The following ADGRL3 variants were observed in gnomAD, a reference collection of about 807,000 sequenced individuals.
ADGRL3 encodes the protein calcium-independent alpha-latrotoxin receptor 3.
ADGRL3 carries 62 observed loss-of-function variants against 153.5 expected under a neutral mutation model. That is an observed-to-expected ratio of 0.40 (90% CI 0.33 to 0.50). The LOEUF (loss-of-function observed/expected upper bound fraction) is 0.50. ADGRL3 is among the 20% of genes least tolerant of loss of function. The pLI is 0.47. For synonymous variants in ADGRL3, 710 were observed against 672.5 expected (o/e 1.06, Z -0.86); for missense variants, 1,641 against 1,859.4 (o/e 0.88, Z 2.16).
chr4:61,630,033 C>T (rs915395476), intron 5 of ADGRL3, among the ~76,000 whole-genome samples: 3 of 152,082 alleles, frequency 2.0e-5, no homozygotes, highest in Non-Finnish European at 4.4e-5. Flanking sequence ...CAGATCTCTT[C>T]ATCTATGTAT....
At chr4:61,295,605 C>A (rs1406198339) in intron 1 of ADGRL3, among the ~76,000 whole-genome samples, 1 of 151,760 alleles carries the variant, frequency 6.6e-6, no homozygotes, top group Non-Finnish European at 1.5e-5. Context: ...ATTTTCATAC[C>A]TCATCAAATC....
intron 9 of ADGRL3, among the ~76,000 whole-genome samples, chr4:61,831,411 TAAAAAAAAAAAAAAA>T (rs1166970099): frequency 1.1e-4 from 4 of 37,274 alleles, no homozygotes; most frequent in African/African-American, 2.2e-4. Context: ...AGATGCTAAG[TAAAAAAAAAAAAAAA>T]AAAAAAAAAA....
intron 5 of ADGRL3, among the ~76,000 whole-genome samples, chr4:61,632,940 C>A (rs1464936052): frequency 2.0e-5 from 3 of 152,076 alleles, no homozygotes; most frequent in Admixed American, 6.6e-5. Flanking sequence ...AAGCTTAGAG[C>A]TTCCCAATAT....
intron 8 of ADGRL3, among the ~76,000 whole-genome samples, chr4:61,806,305 T>G (rs1580917346): frequency 6.6e-6 from 1 of 152,052 alleles, no homozygotes; most frequent in African/African-American, 2.4e-5. Flanking sequence ...TTATAGCAAA[T>G]GTTAAAATAT....
chr4:61,723,433 A>G (rs2096273790), intron 6 of ADGRL3, among the ~76,000 whole-genome samples: 1 of 152,022 alleles, frequency 6.6e-6, no homozygotes, highest in African/African-American at 2.4e-5. Context: ...GCTCCCCCAT[A>G]CAGAGGGAGT....
chr4:61,841,528 G>A (rs538298188), intron 9 of ADGRL3, among the ~76,000 whole-genome samples: 7 of 152,264 alleles, frequency 4.6e-5, no homozygotes, highest in African/African-American at 1.7e-4. Context: ...TTTGAAAATG[G>A]AAGGTGAGAA....
intron 8 of ADGRL3, among the ~76,000 whole-genome samples, chr4:61,751,158 C>G (rs2096752624): frequency 6.6e-6 from 1 of 152,126 alleles, no homozygotes; most frequent in African/African-American, 2.4e-5. Flanking sequence ...TGAGATGAAA[C>G]AGTTTCATCC....
intron 1 of ADGRL3, among the ~76,000 whole-genome samples, chr4:61,348,331 T>C (rs2095967572): frequency 1.3e-5 from 2 of 152,046 alleles, no homozygotes; most frequent in Admixed American, 6.6e-5. Context: ...TATTGAGACA[T>C]TTGTTAATCT....
intron 2 of ADGRL3, among the ~76,000 whole-genome samples, chr4:61,490,350 T>TTCCTCATTGTTTCCTTCTCC (rs2098245027): frequency 6.6e-6 from 1 of 152,142 alleles, no homozygotes; most frequent in East Asian, 1.9e-4. Context: ...TTTCCTTCTC[T>TTCCTCATTGTTTCCTTCTCC]TCCTCATTGT....
chr4:61,552,872 T>G (rs1160370767), intron 4 of ADGRL3, among the ~76,000 whole-genome samples: 1 of 152,206 alleles, frequency 6.6e-6, no homozygotes, highest in East Asian at 1.9e-4. Context: ...GTCTTGTGTC[T>G]TCTTCATATA....
At chr4:61,920,894 G>A (rs2098765751) in intron 13 of ADGRL3, among the ~76,000 whole-genome samples, 1 of 152,096 alleles carries the variant, frequency 6.6e-6, no homozygotes, top group Non-Finnish European at 1.5e-5. Flanking sequence ...TTTGCAGCTG[G>A]GCATAGTGTC....
chr4:61,255,291 G>T (rs571152028), intron 1 of ADGRL3, among the ~76,000 whole-genome samples: 2 of 152,146 alleles, frequency 1.3e-5, no homozygotes, highest in African/African-American at 2.4e-5. Flanking sequence ...AGACTGATGC[G>T]CTAGAGTTTT....
At chr4:61,507,134 C>CT (rs1305684943) in intron 3 of ADGRL3, among the ~76,000 whole-genome samples, 4 of 151,918 alleles carry the variant, frequency 2.6e-5, no homozygotes, top group East Asian at 1.9e-4. Flanking sequence ...CATTTTTCTT[C>CT]TTTTTTTTCT....
intron 19 of ADGRL3, among the ~76,000 whole-genome samples, chr4:61,995,734 A>T (rs1313169215): frequency 6.6e-6 from 1 of 152,142 alleles, no homozygotes; most frequent in African/African-American, 2.4e-5. Context: ...GATGCTAAGG[A>T]TCATTTGCAA....
chr4:61,272,564 C>A (rs1480204802), intron 1 of ADGRL3, among the ~76,000 whole-genome samples: 3 of 151,750 alleles, frequency 2.0e-5, no homozygotes, highest in Non-Finnish European at 4.4e-5. Flanking sequence ...TTAGAAATGC[C>A]CTATTCTAAC....
chr4:61,863,439 G>A (rs868539990), intron 9 of ADGRL3, among the ~76,000 whole-genome samples: 4 of 151,274 alleles, frequency 2.6e-5, no homozygotes, highest in Admixed American at 6.6e-5. Flanking sequence ...AGGTTTCACC[G>A]TTTTAGCCGG....
At chr4:61,747,216 A>G (rs2151998309) in intron 8 of ADGRL3, among the ~76,000 whole-genome samples, 1 of 151,300 alleles carries the variant, frequency 6.6e-6, no homozygotes, top group African/African-American at 2.4e-5. Context: ...GCAATAATCA[A>G]TAGCTTACCA....
intron 13 of ADGRL3, among the ~76,000 whole-genome samples, chr4:61,914,565 G>T (rs181320851): frequency 0.012 from 1,832 of 152,174 alleles, 23 homozygotes; most frequent in Non-Finnish European, 0.02. Flanking sequence ...CAAGGCATTT[G>T]TTCAGATTCT....
At chr4:61,478,934 A>C (rs1298503890) in intron 2 of ADGRL3, among the ~76,000 whole-genome samples, 1 of 152,010 alleles carries the variant, frequency 6.6e-6, no homozygotes, top group African/African-American at 2.4e-5. Context: ...ACCCTAAAAA[A>C]CTCTTAAGAG....
Sources: allele counts gnomAD v4.1 joint callset (sites outside exome capture counted in the v4.1 genomes callset), GRCh38; gene constraint gnomAD v4.1.1; transcripts MANE v1.5; gene names NCBI Gene and HGNC (gene_info 2026-07-23, HGNC 2026-07-21).